DRD2: variants seen among roughly 807,000 people sequenced by gnomAD.
DRD2 encodes the protein dopamine receptor D2, also known as D(2) dopamine receptor.
Under a neutral mutation model 38.0 loss-of-function variants are expected in DRD2, and 8 were observed. The ratio of observed to expected loss-of-function variants is 0.21; its 90% CI spans 0.12 to 0.38. The LOEUF is 0.38. Among genes scored for constraint, DRD2 ranks in the 10% least tolerant of loss-of-function variants. DRD2 has a pLI of 1.00. For synonymous variants in DRD2, 230 were observed against 238.6 expected (o/e 0.96, Z 0.33); for missense variants, 403 against 607.7 (o/e 0.66, Z 3.54).
intron 1 of DRD2, among the ~76,000 whole-genome samples, chr11:113,430,594 C>T (rs1950976700): frequency 6.6e-6 from 1 of 152,210 alleles, no homozygotes; most frequent in Non-Finnish European, 1.5e-5. Context: ...CAGCTCCAGC[C>T]CATCCCTCCC....
intron 1 of DRD2, among the ~76,000 whole-genome samples, chr11:113,463,941 T>C (rs748983618): frequency 6.6e-6 from 1 of 152,120 alleles, no homozygotes; most frequent in Non-Finnish European, 1.5e-5. Flanking sequence ...GTTAACCTTA[T>C]AAGTTAAGGG....
At position 113,413,636 on chromosome 11, in the gene DRD2, T is replaced by C. The variant is rs1950792108; in HGVS notation, c.810+739A>G. Among the ~76,000 whole-genome samples the C allele has an allele frequency of 2.0e-5, 3 of 152,172 alleles. No individual in the cohort carries two copies. In the South Asian group the frequency reaches 6.2e-4, roughly 31 times the overall value. On this transcript the variant is annotated intron_variant, in intron 6 of 7. Coordinates refer to ENST00000362072, the MANE Select transcript of DRD2 (RefSeq NM_000795.4). ...CTGCCTCATAAACAGCTTCTTAGAG[T>C]CCTGCCCTTGCAGTGCAGGTGAAGG...
intron 7 of DRD2, chr11:113,412,117 A>G (rs1950775078): frequency 4.9e-6 from 1 of 202,194 alleles, no homozygotes; most frequent in South Asian, 1.1e-4. Context: ...TAATAGTGAC[A>G]CTTACATATG....
intron 1 of DRD2, among the ~76,000 whole-genome samples, chr11:113,450,706 G>T (rs1282391804): frequency 6.6e-6 from 1 of 152,178 alleles, no homozygotes; most frequent in African/African-American, 2.4e-5. Context: ...CCAAAACAGA[G>T]AGTTATGGCC....
chr11:113,414,061 G>A, intron 6 of DRD2: 1 of 395,528 alleles, frequency 2.5e-6, no homozygotes, highest in Non-Finnish European at 4.8e-6. Flanking sequence ...ACCTCCCGGG[G>A]TCGTGGTGAG....
intron 1 of DRD2, among the ~76,000 whole-genome samples, chr11:113,451,845 T>C (rs1951212957): frequency 6.6e-6 from 1 of 152,374 alleles, no homozygotes; most frequent in South Asian, 2.1e-4. Flanking sequence ...CTTTGACATG[T>C]AATTGTTTGA....
intron 1 of DRD2, among the ~76,000 whole-genome samples, chr11:113,462,650 G>T (rs1292111398): frequency 1.3e-5 from 2 of 152,184 alleles, no homozygotes; most frequent in Non-Finnish European, 2.9e-5. Context: ...AGTGTTTAAG[G>T]CATGTGGCTG....
Position 113,424,372 on chromosome 11 carries a change from G to T in DRD2, c.280C>A (p.Leu94Met). The change falls in exon 2 of 8, where the codon CTG becomes ATG. Residue 94 changes from leucine to methionine, a missense_variant. Around this residue, in one of 4 missense-constraint regions of DRD2, gnomAD observed 162 missense variants for 254.5 expected, o/e 0.64. Coordinates refer to ENST00000362072, the MANE Select transcript of DRD2 (RefSeq NM_000795.4). ...CAAGCAGGGGGCCCACCTACCTCCAGGTAGACAACCCAGGGCATGACCAGT... is the reference window on the plus strand; with the variant it reads ...CAAGCAGGGGGCCCACCTACCTCCATGTAGACAACCCAGGGCATGACCAGT... ...ATLVMPWVVY[L>M]EVVGEWKFSR... 1 of 1,614,076 alleles carries T rather than the reference G, an allele frequency of 6.2e-7. No homozygotes were observed. Among genetic ancestry groups the T allele is most frequent in the Admixed American group, 1.7e-5 (1 of 60,014 alleles).
chr11:113,467,829 C>T (rs909843146), intron 1 of DRD2, among the ~76,000 whole-genome samples: 4 of 152,204 alleles, frequency 2.6e-5, no homozygotes, highest in Admixed American at 6.5e-5. Context: ...ACAAGCAATT[C>T]AAACCCCTAT....
At chr11:113,470,765 C>A (rs1951416351) in intron 1 of DRD2, among the ~76,000 whole-genome samples, 1 of 152,174 alleles carries the variant, frequency 6.6e-6, no homozygotes, top group South Asian at 2.1e-4. Context: ...CCAAATGCCC[C>A]TAGGAGTTTC....
intron 1 of DRD2, among the ~76,000 whole-genome samples, chr11:113,453,499 C>G (rs1470843646): frequency 6.6e-6 from 1 of 152,186 alleles, no homozygotes; most frequent in Non-Finnish European, 1.5e-5. Context: ...TGCCTGTTTT[C>G]TTGTATTCTT....
At chr11:113,420,668 A>T (rs1166066726) in intron 2 of DRD2, among the ~76,000 whole-genome samples, 1 of 152,234 alleles carries the variant, frequency 6.6e-6, no homozygotes, top group African/African-American at 2.4e-5. Context: ...CTCTCTACTA[A>T]GCTGCCCTGG....
At chr11:113,469,208 C>A (rs1420028680) in intron 1 of DRD2, among the ~76,000 whole-genome samples, 1 of 152,044 alleles carries the variant, frequency 6.6e-6, no homozygotes, top group East Asian at 1.9e-4. Flanking sequence ...CCCTCCTGCT[C>A]CCACTGCTTG....
In DRD2 at chr11:113,415,631, G is replaced by A. The variant is rs1460279512; in HGVS notation, c.533-20C>T. Reference sequence around the variant, plus strand: ...TCTGGTCTGGGGGAGGGAGAGCCCGGGCAGGCAGGGAGTCAGCGGGCCCAC... The same window carrying A: ...TCTGGTCTGGGGGAGGGAGAGCCCGAGCAGGCAGGGAGTCAGCGGGCCCAC... On this transcript the variant is annotated intron_variant, in intron 4 of 7. Transcript: ENST00000362072. 2.5e-6 allele frequency: 4 copies of A among 1,601,682 alleles called. No homozygotes were observed. Among genetic ancestry groups the A allele is most frequent in the Non-Finnish European group, 3.4e-6 (4 of 1,173,764 alleles).
intron 1 of DRD2, among the ~76,000 whole-genome samples, chr11:113,462,053 G>T (rs1396563936): frequency 6.6e-6 from 1 of 152,068 alleles, no homozygotes; most frequent in African/African-American, 2.4e-5. Flanking sequence ...GCAGGTCAGT[G>T]AATCCTTTTT....
intron 1 of DRD2, among the ~76,000 whole-genome samples, chr11:113,449,267 C>A (rs1351150468): frequency 6.6e-5 from 10 of 152,264 alleles, no homozygotes; most frequent in African/African-American, 1.9e-4. Flanking sequence ...TTCCCTGAAC[C>A]CTCTGAGCTC....
intron 1 of DRD2, among the ~76,000 whole-genome samples, chr11:113,435,997 A>G (rs922206246): frequency 2.6e-5 from 4 of 152,224 alleles, no homozygotes; most frequent in African/African-American, 9.7e-5. Flanking sequence ...GGCCCAGTCC[A>G]AATAATAGCA....
At chr11:113,471,604 G>C (rs1951426900) in intron 1 of DRD2, among the ~76,000 whole-genome samples, 1 of 152,204 alleles carries the variant, frequency 6.6e-6, no homozygotes, top group East Asian at 1.9e-4. Context: ...CCTATATGCA[G>C]GATGCTCCTC....
chr11:113,447,903 T>C lies in DRD2; in HGVS notation c.-31-23221A>G, dbSNP rs139271991. The stretch of plus-strand genomic sequence containing the variant: ...ATGATGCGATCTCCAGCCTTGTCCA[T>C]GTTGAGGGGCCAGTAGCTGAAGGAG... On this transcript the variant is annotated intron_variant, in intron 1 of 7. Transcript: ENST00000362072. 2.5e-3 allele frequency among the ~76,000 whole-genome samples: 387 copies of C among 152,244 alleles called. 2 individuals carry two copies. Among genetic ancestry groups the C allele is most frequent in the Admixed American group, 4.8e-3 (73 of 15,302 alleles).
Sources: allele counts gnomAD v4.1 joint callset (sites outside exome capture counted in the v4.1 genomes callset), GRCh38; gene constraint gnomAD v4.1.1; regional missense constraint gnomAD v4.1.1; transcripts MANE v1.5; gene names NCBI Gene and HGNC (gene_info 2026-07-23, HGNC 2026-07-21).